Variants in IGF2R observed in about 807,000 individuals in gnomAD.
The protein encoded by IGF2R is insulin like growth factor 2 receptor, also known as cation-independent mannose-6-phosphate receptor.
IGF2R carries 91 observed loss-of-function variants against 270.6 expected under a neutral mutation model. The observed-to-expected ratio is 0.34, with a 90% CI of 0.28 to 0.40. The LOEUF is 0.40. Among genes scored for constraint, IGF2R ranks in the 10% least tolerant of loss-of-function variants. IGF2R has a pLI of 1.00. For missense variants in IGF2R, 2,805 were observed against 3,188.3 expected, an observed-to-expected ratio of 0.88 and a Z score of 2.90; for synonymous variants, 1,316 against 1,258.9, an observed-to-expected ratio of 1.05 and a Z score of -0.96.
At chr6:160,031,615 G>A (rs1025420781) in intron 7 of IGF2R, among the ~76,000 whole-genome samples, 1 of 152,042 alleles carries the variant, frequency 6.6e-6, no homozygotes, top group Non-Finnish European at 1.5e-5. Context: ...GAGCCCTGGG[G>A]TCTGCATCAC....
At chr6:160,103,319 CAAA>C (rs755283229) in intron 46 of IGF2R, among the ~76,000 whole-genome samples, 2 of 109,822 alleles carry the variant, frequency 1.8e-5, no homozygotes, top group African/African-American at 3.4e-5. Context: ...AGACTCTGTC[CAAA>C]AAAAAAAAAA....
chr6:159,969,334 C>G lies in IGF2R; in HGVS notation c.88C>G (p.Leu30Val). The G allele has an allele frequency of 7.6e-7, 1 of 1,310,458 alleles. No homozygotes were observed. The highest frequency in any genetic ancestry group is 2.2e-5 in the South Asian group (1 of 45,106). The allele number at this position is 1,310,458 out of a possible 1,614,324, so 81.2% of individuals were successfully genotyped here. ...QRSLLLLQLL[L>V]LVAAPGSTQA... ...CTCTCTGCTCCTGCTGCAGCTGCTG[C>G]TGCTCGTCGCTGCCCCGGGGTCCAC... The change falls in exon 1 of 48, where the codon CTG becomes GTG. Residue 30 changes from leucine to valine, a missense_variant. Physicochemically the swap from Leu to Val is conservative, Grantham distance 32 (BLOSUM62 1). Around this residue, in one of 2 missense-constraint regions of IGF2R, gnomAD observed 954 missense variants for 981.1 expected, o/e 0.97. Coordinates refer to ENST00000356956, the MANE Select transcript of IGF2R (RefSeq NM_000876.4).
chr6:159,999,772 C>T (rs955318704), intron 2 of IGF2R, among the ~76,000 whole-genome samples: 4 of 152,134 alleles, frequency 2.6e-5, no homozygotes, highest in African/African-American at 9.7e-5. Flanking sequence ...AGTTCAATCC[C>T]TCCTTTAGAT....
At chr6:160,001,088 C>T (rs1784122723) in intron 2 of IGF2R, among the ~76,000 whole-genome samples, 1 of 152,066 alleles carries the variant, frequency 6.6e-6, no homozygotes, top group African/African-American at 2.4e-5. Flanking sequence ...CCCCGGGCCA[C>T]AGACTGGTAG....
At chr6:159,978,420 G>A (rs1783727119) in intron 1 of IGF2R, among the ~76,000 whole-genome samples, 1 of 152,034 alleles carries the variant, frequency 6.6e-6, no homozygotes, top group African/African-American at 2.4e-5. Context: ...GGGAGAAAGG[G>A]GGCTGTCGTG....
chr6:160,044,264 C>G (rs1343730030), intron 12 of IGF2R, among the ~76,000 whole-genome samples: 1 of 152,194 alleles, frequency 6.6e-6, no homozygotes, highest in Admixed American at 6.5e-5. Flanking sequence ...ATGGCGCTTT[C>G]TGGCTGAACC....
chr6:160,062,048 C>G (rs558644007), intron 25 of IGF2R, 120 bp downstream of exon 25: 1 of 908,984 alleles, frequency 1.1e-6, no homozygotes, highest in African/African-American at 1.6e-5. Context: ...GAGTTTCAGC[C>G]ATTGCTAGGG....
chr6:159,992,305 G>A (rs183047078), intron 2 of IGF2R, among the ~76,000 whole-genome samples: 1 of 152,236 alleles, frequency 6.6e-6, no homozygotes, highest in Admixed American at 6.5e-5. Context: ...GTAAATCTGG[G>A]TTTTTAATAC....
chr6:160,103,560 A>G (rs1431555723), intron 46 of IGF2R, among the ~76,000 whole-genome samples, 186 bp from the exon 47 acceptor site: 1 of 152,012 alleles, frequency 6.6e-6, no homozygotes, highest in Non-Finnish European at 1.5e-5. Flanking sequence ...TTTCCACTCA[A>G]TCACAACAAA....
chr6:160,095,332 GC>G (rs1443327242), intron 44 of IGF2R: 1 of 152,504 alleles, frequency 6.6e-6, no homozygotes, highest in Non-Finnish European at 1.5e-5. Context: ...CATGGTTTAT[GC>G]CTCAGTGTTA....
At chr6:159,977,777 C>T (rs963814285) in intron 1 of IGF2R, among the ~76,000 whole-genome samples, 3 of 152,224 alleles carry the variant, frequency 2.0e-5, no homozygotes, top group Non-Finnish European at 4.4e-5. Context: ...GTCTTCCTTT[C>T]CGTGTGTGTC....
chr6:160,033,262 G>A (rs1051947933), intron 9 of IGF2R, among the ~76,000 whole-genome samples, 155 bp downstream of exon 9: 1 of 152,118 alleles, frequency 6.6e-6, no homozygotes, highest in African/African-American at 2.4e-5. Flanking sequence ...TCAGCCTCCC[G>A]AGTAGCTGGG....
chr6:160,104,994 G>C lies in IGF2R; in HGVS notation c.7386G>C (p.Gly2462=). The change falls in exon 48 of 48, where the codon GGG becomes GGC. Residue 2462 remains glycine, a synonymous_variant. Coordinates refer to ENST00000356956, the MANE Select transcript of IGF2R (RefSeq NM_000876.4). Reference sequence around the variant, plus strand: ...TCAGGGGTGAGAAGGCGAGGAAAGGGAAGTCCAGCTCTGCACAGCAGAAGA... The same window carrying C: ...TCAGGGGTGAGAAGGCGAGGAAAGGCAAGTCCAGCTCTGCACAGCAGAAGA... ...GLVRGEKARK[G]KSSSAQQKTV... is the part of the protein sequence containing the mutation. 1 of 1,613,996 alleles carries C rather than the reference G, an allele frequency of 6.2e-7. No individual in the cohort carries two copies. Among genetic ancestry groups the C allele is most frequent in the Non-Finnish European group, 8.5e-7 (1 of 1,180,012 alleles).
At position 160,062,168 on chromosome 6, in the gene IGF2R, A is replaced by ATT. The variant is rs34356477; in HGVS notation, c.3582+262_3582+263dup. Reference sequence around the variant, plus strand: ...ACTAACTGTGGCTATCATTTATTTAATTTTTTTTTTTTTTTTTTTTTTTGA... The same window carrying ATT: ...ACTAACTGTGGCTATCATTTATTTAATTTTTTTTTTTTTTTTTTTTTTTTTGA... On this transcript the variant is annotated intron_variant, in intron 25 of 47. Coordinates refer to ENST00000356956, the MANE Select transcript of IGF2R (RefSeq NM_000876.4). 5.6e-3 allele frequency among the ~76,000 whole-genome samples: 591 copies of ATT among 106,486 alleles called. 4 individuals carry two copies. The highest frequency in any genetic ancestry group is 7.2e-3 in the Non-Finnish European group (391 of 54,488). 69.9% of individuals were successfully genotyped at this position (106,486 alleles called of 152,430 possible).
rs951305351 is a variant in IGF2R at position 160,102,349 on chromosome 6, C to G, written c.6843-170C>G. 6.6e-6 allele frequency among the ~76,000 whole-genome samples: 1 copy of G among 152,200 alleles called. No homozygotes were observed. Among genetic ancestry groups the G allele is most frequent in the African/African-American group, 2.4e-5 (1 of 41,444 alleles). Reference sequence around the variant, plus strand: ...TCATCATCAGGAACTTTTTGCAGCCCTCTTCCATGTGGAGTGGGACTTGTG... The same window carrying G: ...TCATCATCAGGAACTTTTTGCAGCCGTCTTCCATGTGGAGTGGGACTTGTG... On this transcript the variant is annotated intron_variant, in intron 45 of 47. Transcript: ENST00000356956. The surrounding 1 kb of genome is among the most constrained non-coding windows in gnomAD (Gnocchi z 4.5).
rs147721318 is a variant in IGF2R at position 160,027,302 on chromosome 6, T to A, written c.764T>A (p.Val255Glu). Residue 255 changes from valine to glutamate, a missense_variant, in exon 6 of 48, where the codon GTG (valine) becomes GAG (glutamate). Coordinates refer to ENST00000356956, the MANE Select transcript of IGF2R (RefSeq NM_000876.4). ...VGQPRDGLKLVRKDRLVLSYV... is the reference protein window; with the variant it reads ...VGQPRDGLKLERKDRLVLSYV... ...CAGCCCCGGGACGGACTGAAGCTGG[T>A]GCGCAAGGACAGGTCAGTCAAGGCC... 6 of 1,613,322 alleles carry A rather than the reference T, an allele frequency of 3.7e-6. No homozygotes were observed. Among genetic ancestry groups the A allele is most frequent in the Non-Finnish European group, 4.2e-6 (5 of 1,179,768 alleles).
chr6:160,100,614 G>A (rs1036292295), intron 45 of IGF2R, among the ~76,000 whole-genome samples: 7 of 151,784 alleles, frequency 4.6e-5, no homozygotes, highest in East Asian at 1.9e-4. Flanking sequence ...ATAGACATGC[G>A]CAGAACACTG....
intron 15 of IGF2R, 47 bp from the exon 16 acceptor site, chr6:160,047,112 C>T (rs1583278074): frequency 1.3e-6 from 2 of 1,578,802 alleles, no homozygotes; most frequent in East Asian, 4.5e-5. Context: ...CCTTGGAGTG[C>T]TTCTGCCCCT....
rs1034416657 is a variant in IGF2R, at chr6:160,070,134, G to A, written c.4443+76G>A. ...CCATGTGCAGGGCGGTGAGCCGCAC[G>A]TCCTCATCTGCCTTGGGATGCGAGT... is the stretch of plus-strand genomic sequence containing the variant. On this transcript the variant is annotated intron_variant, in intron 31 of 47. Transcript: ENST00000356956. The A allele has an allele frequency of 1.4e-4, 194 of 1,362,496 alleles. 1 individual carries two copies. Among genetic ancestry groups the A allele is most frequent in the African/African-American group, 1.0e-4 (7 of 69,924 alleles). 84.4% of individuals were successfully genotyped at this position (1,362,496 alleles called of 1,614,324 possible). A position where few individuals can be genotyped will look rare whatever the true frequency, so the allele number is the denominator to read the frequency against.
Sources: gnomAD v4.1 joint callset for allele counts (sites outside exome capture counted in the v4.1 genomes callset) on GRCh38, gnomAD v4.1.1 for gene constraint, gnomAD v4.1.1 regional missense constraint, Gnocchi (gnomAD v3.1) non-coding constraint, MANE v1.5 for transcripts, NCBI Gene and HGNC (gene_info 2026-07-23, HGNC 2026-07-21) for gene names.